The following SLC4A8 variants were observed in gnomAD, a reference collection of about 807,000 sequenced individuals.
SLC4A8 encodes solute carrier family 4 member 8, also known as electroneutral sodium bicarbonate exchanger 1.
In SLC4A8, 40 loss-of-function variants were observed where a neutral mutation model predicts 125.0. That is an observed-to-expected ratio of 0.32 (90% CI 0.25 to 0.42). The LOEUF is 0.42. Among genes scored for constraint, SLC4A8 ranks in the 10% least tolerant of loss-of-function variants. The pLI is 1.00. For missense variants in SLC4A8, 863 were observed against 1,355.1 expected (o/e 0.64, Z 5.70); for synonymous variants, 456 against 476.0 (o/e 0.96, Z 0.55).
rs193220845 is a variant in SLC4A8 at position 51,499,168 on chromosome 12, A to G, written c.3081+2044A>G. The stretch of plus-strand genomic sequence containing the variant: ...TGCACTCCAGCCTGGGCGAAAGAAC[A>G]AGACTTTGTCTCAAAAAAATAAAAA... On this transcript the variant is annotated intron_variant, in intron 22 of 24. Transcript: ENST00000453097. 6.1e-4 allele frequency among the ~76,000 whole-genome samples: 93 copies of G among 152,292 alleles called. 1 individual carries two copies. In the East Asian group the frequency reaches 0.017, roughly 28 times the overall value.
chr12:51,469,860 G>T, intron 12 of SLC4A8, 72 bp downstream of exon 12: 2 of 1,381,080 alleles, frequency 1.4e-6, no homozygotes, highest in Admixed American at 3.5e-5. Context: ...CAGGTCCACT[G>T]TGGGGGAAAT....
chr12:51,496,957 A>T, intron 21 of SLC4A8, 30 bp from the exon 22 acceptor site: 1 of 1,608,446 alleles, frequency 6.2e-7, no homozygotes, highest in Non-Finnish European at 8.5e-7. Context: ...TAGTCCCTTT[A>T]ATTCACTTTT....
At chr12:51,449,103 A>G (rs1418031859) in intron 2 of SLC4A8, among the ~76,000 whole-genome samples, 4 of 152,146 alleles carry the variant, frequency 2.6e-5, no homozygotes, top group Non-Finnish European at 5.9e-5. Context: ...AGCAAGCCAG[A>G]CTGAGGAAGA....
At chr12:51,418,174 G>A (rs1166062877) in intron 1 of SLC4A8, among the ~76,000 whole-genome samples, 1 of 152,196 alleles carries the variant, frequency 6.6e-6, no homozygotes, top group Non-Finnish European at 1.5e-5. Context: ...ACAGAGGAGA[G>A]CATTTGGAAT....
At chr12:51,394,928 C>G (rs1948228388) in intron 1 of SLC4A8, among the ~76,000 whole-genome samples, 1 of 152,060 alleles carries the variant, frequency 6.6e-6, no homozygotes, top group Non-Finnish European at 1.5e-5. Flanking sequence ...ACTTCGGAGG[C>G]TCAGGTGGGA....
In SLC4A8 at chr12:51,440,764, T is replaced by C; in HGVS notation, c.105T>C (p.Ile35=). ...GTGGGACCAGTACAATTCTCAACATTCACTATGAAAAAGAAGAGCTGGAAG... is the reference window on the plus strand; with the variant it reads ...GTGGGACCAGTACAATTCTCAACATCCACTATGAAAAAGAAGAGCTGGAAG... ...DQGGTSTILN[I]HYEKEELEGH... Residue 35 remains isoleucine (I), a synonymous_variant, in exon 2 of 25, where the codon ATT becomes ATC. Transcript: ENST00000453097. 1 of 1,607,654 alleles carries C rather than the reference T, an allele frequency of 6.2e-7. No individual in the cohort carries two copies. Among genetic ancestry groups the C allele is most frequent in the South Asian group, 1.1e-5 (1 of 89,920 alleles).
intron 16 of SLC4A8, among the ~76,000 whole-genome samples, chr12:51,484,010 T>C (rs1951099593): frequency 6.6e-6 from 1 of 152,194 alleles, no homozygotes; most frequent in Admixed American, 6.5e-5. Context: ...GTCCTTGTGA[T>C]AGTTTGCTCA....
chr12:51,491,740 G>GACACACACACACACACACACACAC (rs35694156), intron 19 of SLC4A8, among the ~76,000 whole-genome samples: 5 of 145,930 alleles, frequency 3.4e-5, no homozygotes, highest in African/African-American at 1.3e-4. Flanking sequence ...GGGATGGGCA[G>GACACACACACACACACACACACAC]ACACACACAC....
rs776369237 is a variant in SLC4A8, at chr12:51,450,938, C to T, written c.193C>T (p.Arg65Cys). ...PLGRQSHRHHRTHGQKHRRRG... is the reference protein window; with the variant it reads ...PLGRQSHRHHCTHGQKHRRRG... ...TGGCCGGCAGAGCCATCGGCATCAC[C>T]GCACTCATGGCCAGAAGCACCGGAG... Residue 65 changes from arginine to cysteine, a missense_variant, in exon 3 of 25, where the codon CGC (arginine) becomes TGC (cysteine). Arg to Cys is a radical substitution (Grantham distance 180). Coordinates refer to ENST00000453097, the MANE Select transcript of SLC4A8 (RefSeq NM_001039960.3). The T allele has an allele frequency of 9.3e-6, 15 of 1,608,740 alleles. No homozygotes were observed. Among genetic ancestry groups the T allele is most frequent in the Non-Finnish European group, 1.3e-5 (15 of 1,177,168 alleles).
intron 22 of SLC4A8, among the ~76,000 whole-genome samples, chr12:51,499,560 G>A (rs889837032): frequency 6.7e-6 from 1 of 150,288 alleles, no homozygotes; most frequent in South Asian, 2.1e-4. Context: ...CATTCTCTTG[G>A]AGGAGACACT....
upstream of SLC4A8, chr12:51,424,568 A>G (rs1592158940): frequency 5.6e-6 from 1 of 177,358 alleles, no homozygotes; most frequent in African/African-American, 2.4e-5. Context: ...GGCAAAACCG[A>G]CACTTTCCCA....
intron 1 of SLC4A8, among the ~76,000 whole-genome samples, chr12:51,400,369 G>C (rs1002860801): frequency 2.6e-5 from 4 of 152,162 alleles, no homozygotes; most frequent in African/African-American, 9.7e-5. Flanking sequence ...ATCCCCCACT[G>C]TGGTAGTGGG....
Position 51,424,849 on chromosome 12 carries a change from A to T in SLC4A8, c.-139A>T, listed in dbSNP as rs992711879. ...ATGCCTCGCGGGCCGGTGGCTATGG[A>T]GGCGGCGGCGGTTGATGGTTGACCG... On this transcript the variant is annotated 5_prime_UTR_variant, in exon 1 of 25. Coordinates refer to ENST00000453097, the MANE Select transcript of SLC4A8 (RefSeq NM_001039960.3). 6.3e-5 allele frequency: 55 copies of T among 869,210 alleles called. 3 individuals are homozygous for T. The Admixed American group carries it at 1.2e-3, about 20-fold the overall frequency. 53.8% of individuals were successfully genotyped at this position (869,210 alleles called of 1,614,324 possible).
intron 16 of SLC4A8, among the ~76,000 whole-genome samples, chr12:51,479,716 T>C (rs1007623350): frequency 5.3e-5 from 8 of 149,582 alleles, no homozygotes; most frequent in African/African-American, 1.5e-4. Context: ...TGGACAAATA[T>C]AGCTAGCAAG....
intron 1 of SLC4A8, among the ~76,000 whole-genome samples, chr12:51,430,560 T>A (rs1035023523): frequency 2.6e-5 from 4 of 152,166 alleles, no homozygotes; most frequent in African/African-American, 9.7e-5. Context: ...ATTCTTTTTA[T>A]CTGGTTTTCC....
intron 5 of SLC4A8, 115 bp from the exon 6 acceptor site, chr12:51,457,236 C>A: frequency 1.4e-6 from 1 of 706,070 alleles, no homozygotes; most frequent in Non-Finnish European, 2.3e-6. Flanking sequence ...CCTCAATGAC[C>A]CTAGTGGAGC....
chr12:51,403,436 G>A (rs954080473), intron 1 of SLC4A8: 11 of 351,444 alleles, frequency 3.1e-5, no homozygotes, highest in African/African-American at 1.7e-4. Flanking sequence ...AAGAATGGCC[G>A]CTTGGATCCT....
At position 51,504,091 on chromosome 12, in the gene SLC4A8, A is replaced by G. The variant is rs748576685; in HGVS notation, c.3144A>G (p.Leu1048=). ...TTCCCTTAGAGAGCAGGAAGTTACT[A>G]AGTAGTCCTGGAAAGAACATCAGTT... The part of the protein sequence containing the change: ...DKFPLESRKL[L]SSPGKNISCR... Residue 1048 remains leucine (L), a synonymous_variant, in exon 23 of 25, where the codon CTA becomes CTG. Coordinates refer to ENST00000453097, the MANE Select transcript of SLC4A8 (RefSeq NM_001039960.3). 4.4e-6 allele frequency: 7 copies of G among 1,585,694 alleles called. No individual in the cohort carries two copies. In the South Asian group the frequency reaches 5.8e-5, roughly 13 times the overall value.
chr12:51,429,621 G>A (rs1949119029), intron 1 of SLC4A8, among the ~76,000 whole-genome samples: 1 of 152,028 alleles, frequency 6.6e-6, no homozygotes, highest in African/African-American at 2.4e-5. Context: ...TTCCACTTCA[G>A]CCTCCCTAGT....
Sources: gnomAD v4.1 joint callset for allele counts (sites outside exome capture counted in the v4.1 genomes callset) on GRCh38, gnomAD v4.1.1 for gene constraint, MANE v1.5 for transcripts, NCBI Gene and HGNC (gene_info 2026-07-23, HGNC 2026-07-21) for gene names.